Variants in DCHS2 observed in about 807,000 individuals in gnomAD.
The protein encoded by DCHS2 is protocadherin-23.
A neutral mutation model predicts 182.4 loss-of-function variants in DCHS2; 142 were observed. The observed-to-expected ratio is 0.78, with a 90% CI of 0.68 to 0.89. The LOEUF (loss-of-function observed/expected upper bound fraction) is 0.89, where lower values mean the gene tolerates loss of function less well. Among genes scored for constraint, DCHS2 ranks in the 40% least tolerant of loss-of-function variants. The pLI is 0.00. For synonymous variants in DCHS2, 1,740 were observed against 1,663.3 expected, an observed-to-expected ratio of 1.05 and a Z score of -1.12; for missense variants, 4,319 against 4,198.6, an observed-to-expected ratio of 1.03 and a Z score of -0.79.
At chr4:154,316,677 G>A (rs956242253) in intron 9 of DCHS2, among the ~76,000 whole-genome samples, 10 of 152,124 alleles carry the variant, frequency 6.6e-5, no homozygotes, top group Non-Finnish European at 1.0e-4. Context: ...TCAGCTGCTC[G>A]GGAGGCTGAG....
chr4:154,252,883 A>G (rs1732450499), intron 16 of DCHS2, among the ~76,000 whole-genome samples: 1 of 152,220 alleles, frequency 6.6e-6, no homozygotes, highest in African/African-American at 2.4e-5. Context: ...AATGTTTTAT[A>G]TTTTAAAACA....
intron 1 of DCHS2, among the ~76,000 whole-genome samples, chr4:154,415,801 G>C (rs1732808630): frequency 6.6e-6 from 1 of 152,206 alleles, no homozygotes; most frequent in South Asian, 2.1e-4. Flanking sequence ...TCTCCAAAAA[G>C]TGGCAGAACA....
chr4:154,282,165 A>G (rs1172085702), intron 13 of DCHS2, among the ~76,000 whole-genome samples: 2 of 152,082 alleles, frequency 1.3e-5, no homozygotes, highest in African/African-American at 4.8e-5. Flanking sequence ...AACAAAAGCA[A>G]AAAAATAGAC....
intron 1 of DCHS2, among the ~76,000 whole-genome samples, chr4:154,390,652 A>G (rs958689467): frequency 9.9e-5 from 15 of 151,968 alleles, no homozygotes; most frequent in Admixed American, 5.2e-4. Context: ...TCTCTTTTTA[A>G]CTGTTTATTA....
chr4:154,377,209 A>C, intron 2 of DCHS2, 44 bp downstream of exon 2: 1 of 1,564,982 alleles, frequency 6.4e-7, no homozygotes, highest in Non-Finnish European at 8.7e-7. Flanking sequence ...ACAGTGGCTC[A>C]CTTGTGATTA....
rs367641673 is a variant in DCHS2, at chr4:154,391,040, T to C, written c.2053-13596A>G. 1.9e-4 allele frequency: 147 copies of C among 794,362 alleles called. 1 individual carries two copies. The South Asian group carries it at 3.0e-3, about 16-fold the overall frequency. The allele number at this position is 794,362 out of a possible 1,614,324, so 49.2% of individuals were successfully genotyped here. On this transcript the variant is annotated intron_variant, in intron 1 of 19. Transcript: ENST00000357232. ...TGAGAGGATCCTAGCTAAGTATTTC[T>C]TCCAAGGCTTTATTTCCCTGAAGCT...
At chr4:154,292,026 C>A (rs1734689525) in intron 13 of DCHS2, among the ~76,000 whole-genome samples, 1 of 152,136 alleles carries the variant, frequency 6.6e-6, no homozygotes, top group African/African-American at 2.4e-5. Flanking sequence ...GTGATTATTA[C>A]ACATTGCATG....
chr4:154,443,006 A>C (rs560370667), intron 1 of DCHS2, among the ~76,000 whole-genome samples: 2 of 151,476 alleles, frequency 1.3e-5, no homozygotes, highest in Middle Eastern at 6.8e-3. Context: ...CCCAAACTCA[A>C]CTTTCCCTTT....
At chr4:154,384,416 T>G in intron 1 of DCHS2, 2 of 1,613,522 alleles carry the variant, frequency 1.2e-6, no homozygotes, top group Non-Finnish European at 1.7e-6. Context: ...TTCTGAACAC[T>G]ATAGCACCCC....
At chr4:154,327,438 T>G (rs981898765) in intron 7 of DCHS2, among the ~76,000 whole-genome samples, 1 of 152,192 alleles carries the variant, frequency 6.6e-6, no homozygotes, top group Non-Finnish European at 1.5e-5. Flanking sequence ...GGGTTTTCCA[T>G]GCAGACAATC....
At chr4:154,426,813 A>G (rs1215857311) in intron 1 of DCHS2, among the ~76,000 whole-genome samples, 1 of 152,084 alleles carries the variant, frequency 6.6e-6, no homozygotes, top group Non-Finnish European at 1.5e-5. Flanking sequence ...TAACTAAAAG[A>G]GTATAATTGG....
intron 1 of DCHS2, among the ~76,000 whole-genome samples, chr4:154,450,384 C>T (rs1325510739): frequency 2.0e-5 from 3 of 152,184 alleles, no homozygotes; most frequent in Non-Finnish European, 4.4e-5. Context: ...GACATGCTCA[C>T]ATCACACTTT....
At chr4:154,278,620 A>T (rs1050691479) in intron 13 of DCHS2, among the ~76,000 whole-genome samples, 2 of 108,168 alleles carry the variant, frequency 1.8e-5, no homozygotes, top group Non-Finnish European at 2.3e-5. Context: ...ATCTTAAATT[A>T]AAAAAAAAAA....
intron 1 of DCHS2, among the ~76,000 whole-genome samples, chr4:154,481,691 C>A (rs1264584860): frequency 1.3e-5 from 2 of 152,220 alleles, no homozygotes; most frequent in Admixed American, 6.5e-5. Flanking sequence ...TGCATCATCT[C>A]ATTTAATCGC....
chr4:154,406,290 A>G (rs1441309927), intron 1 of DCHS2, among the ~76,000 whole-genome samples: 1 of 152,152 alleles, frequency 6.6e-6, no homozygotes, highest in Non-Finnish European at 1.5e-5. Context: ...TCAAGTCCCA[A>G]TCACTGCCTC....
intron 13 of DCHS2, among the ~76,000 whole-genome samples, chr4:154,290,579 T>TA (rs34423318): frequency 0.6 from 91,046 of 151,758 alleles, 27,787 homozygotes; most frequent in Middle Eastern, 0.68. Context: ...GGTTCTGGCA[T>TA]AAAAACAAAC....
chr4:154,252,527 A>G (rs114763206), intron 16 of DCHS2, among the ~76,000 whole-genome samples: 2,444 of 151,552 alleles, frequency 0.016, 62 homozygotes, highest in African/African-American at 0.056. Context: ...TCTACTCCCT[A>G]TCTGCTTGAG....
intron 1 of DCHS2, among the ~76,000 whole-genome samples, chr4:154,487,124 G>A (rs1728618477): frequency 6.6e-6 from 1 of 152,172 alleles, no homozygotes; most frequent in Non-Finnish European, 1.5e-5. Flanking sequence ...TAACAATGGA[G>A]CCAAGTTGTA....
At chr4:154,442,064 A>T (rs1298068072) in intron 1 of DCHS2, among the ~76,000 whole-genome samples, 2 of 152,146 alleles carry the variant, frequency 1.3e-5, no homozygotes, top group Non-Finnish European at 2.9e-5. Context: ...TACTCCAAAC[A>T]TCATTATATC....
Sources: allele counts gnomAD v4.1 joint callset (sites outside exome capture counted in the v4.1 genomes callset), GRCh38; gene constraint gnomAD v4.1.1; transcripts MANE v1.5; gene names NCBI Gene and HGNC (gene_info 2026-07-23, HGNC 2026-07-21).